FYB1: variants seen among roughly 807,000 people sequenced by gnomAD.
FYB1 encodes the protein FYN binding protein 1.
FYB1 carries 41 observed loss-of-function variants against 94.1 expected under a neutral mutation model. The ratio of observed to expected loss-of-function variants is 0.44; its 90% CI spans 0.34 to 0.57. FYB1 has a LOEUF of 0.57. Ranked by LOEUF, FYB1 falls within the 20% of genes least tolerant of loss-of-function variation. The pLI is 0.02. For missense variants in FYB1, 1,050 were observed against 976.8 expected, an observed-to-expected ratio of 1.07 and a Z score of -1.00; for synonymous variants, 367 against 353.2, an observed-to-expected ratio of 1.04 and a Z score of -0.44.
At chr5:39,169,724 T>C in intron 2 of FYB1, 1 of 472,102 alleles carries the variant, frequency 2.1e-6, no homozygotes, top group Non-Finnish European at 4.2e-6. Flanking sequence ...GGTTAGATAG[T>C]TCATGTGATT....
intron 15 of FYB1, 101 bp from the exon 16 acceptor site, chr5:39,119,137 A>G (rs1739852178): frequency 1.8e-6 from 1 of 557,000 alleles, no homozygotes. Context: ...CTAAAGAGAT[A>G]ATTCAGTGTT....
At chr5:39,125,396 G>A (rs973354747) in intron 12 of FYB1, among the ~76,000 whole-genome samples, 5 of 152,110 alleles carry the variant, frequency 3.3e-5, no homozygotes, top group African/African-American at 1.2e-4. Context: ...GAAAAGTTAT[G>A]CCTTAGATTT....
In FYB1 at chr5:39,141,090, T is replaced by C. The variant is rs1742136576; in HGVS notation, c.1339+5A>G. ...AAATAAATAAAATATGTTTTTGTCG[T>C]TTACCATCAGAGTGCGTGACACCAT... On this transcript the variant is annotated splice_donor_5th_base_variant and intron_variant, in intron 4 of 18. Transcript: ENST00000512982. 1 of 1,574,142 alleles carries C rather than the reference T, an allele frequency of 6.4e-7. No homozygotes were observed. The highest frequency in any genetic ancestry group is 8.7e-7 in the Non-Finnish European group (1 of 1,155,478).
At chr5:39,227,097 A>G (rs1490564848) in intron 1 of FYB1, among the ~76,000 whole-genome samples, 2 of 152,242 alleles carry the variant, frequency 1.3e-5, no homozygotes, top group Non-Finnish European at 2.9e-5. Context: ...GCAAACACAC[A>G]TACATTCACA....
chr5:39,235,873 T>G (rs563900188), intron 1 of FYB1, among the ~76,000 whole-genome samples: 2 of 152,212 alleles, frequency 1.3e-5, no homozygotes, highest in South Asian at 4.1e-4. Context: ...TCTTTTGTAG[T>G]GATAGAAATA....
chr5:39,228,174 A>G (rs774978532), intron 1 of FYB1, among the ~76,000 whole-genome samples: 5 of 152,190 alleles, frequency 3.3e-5, no homozygotes, highest in Non-Finnish European at 5.9e-5. Flanking sequence ...ATAGAACTAC[A>G]TTTAGTTGGT....
At chr5:39,225,772 T>C (rs1314453165) in intron 1 of FYB1, among the ~76,000 whole-genome samples, 2 of 152,214 alleles carry the variant, frequency 1.3e-5, no homozygotes, top group Non-Finnish European at 2.9e-5. Context: ...GAGATACTCA[T>C]TTTATTTTGG....
chr5:39,155,614 C>A (rs1465020416), intron 2 of FYB1, among the ~76,000 whole-genome samples: 3 of 152,146 alleles, frequency 2.0e-5, no homozygotes, highest in Non-Finnish European at 4.4e-5. Flanking sequence ...GGAAGGCCTT[C>A]CCTAATTTGA....
chr5:39,179,080 A>T (rs774206256), intron 2 of FYB1, among the ~76,000 whole-genome samples: 3 of 152,334 alleles, frequency 2.0e-5, no homozygotes, highest in Middle Eastern at 3.4e-3. Context: ...ATATTTTTAG[A>T]GTGCTTCCTG....
chr5:39,107,347 G>T lies in FYB1; in HGVS notation c.*96C>A. ...ATAACAAATGATAATAAGTGGTTTT[G>T]TGCATTAATTTTCTTGATACCCAAT... On this transcript the variant is annotated 3_prime_UTR_variant, in exon 19 of 19. Coordinates refer to ENST00000512982, the MANE Select transcript of FYB1 (RefSeq NM_001465.6). 1 of 756,254 alleles carries T rather than the reference G, an allele frequency of 1.3e-6. No homozygotes were observed. Among genetic ancestry groups the T allele is most frequent in the Non-Finnish European group, 2.1e-6 (1 of 484,114 alleles). The allele number at this position is 756,254 out of a possible 1,614,324, so 46.8% of individuals were successfully genotyped here.
At chr5:39,235,968 C>CAT (rs1048098356) in intron 1 of FYB1, among the ~76,000 whole-genome samples, 1 of 151,966 alleles carries the variant, frequency 6.6e-6, no homozygotes, top group Non-Finnish European at 1.5e-5. Context: ...GGAACTAAAA[C>CAT]ATTAATTTCA....
At chr5:39,249,611 G>A (rs568410368) in intron 1 of FYB1, among the ~76,000 whole-genome samples, 1 of 152,270 alleles carries the variant, frequency 6.6e-6, no homozygotes, top group South Asian at 2.1e-4. Flanking sequence ...ATAATAGTGA[G>A]TCAAAGAGGA....
chr5:39,255,966 T>G (rs964412824), intron 1 of FYB1, among the ~76,000 whole-genome samples: 3 of 152,200 alleles, frequency 2.0e-5, no homozygotes, highest in Non-Finnish European at 4.4e-5. Flanking sequence ...TATCTCTCCT[T>G]TGTTTCCACT....
chr5:39,141,299 A>G lies in FYB1; in HGVS notation c.1293-158T>C, dbSNP rs1364776935. On this transcript the variant is annotated intron_variant, in intron 3 of 18. Transcript: ENST00000512982. Reference sequence around the variant, plus strand: ...TCACTAGCATAGGCTTTAGCCTTATACTTCTGCTGCTCCTGTGGCAGAAAA... The same window carrying G: ...TCACTAGCATAGGCTTTAGCCTTATGCTTCTGCTGCTCCTGTGGCAGAAAA... 2.6e-5 allele frequency among the ~76,000 whole-genome samples: 4 copies of G among 152,258 alleles called. No individual in the cohort carries two copies. The East Asian group carries it at 5.8e-4, about 22-fold the overall frequency.
At chr5:39,232,559 T>G (rs1397648760) in intron 1 of FYB1, among the ~76,000 whole-genome samples, 1 of 143,636 alleles carries the variant, frequency 7.0e-6, no homozygotes, top group Non-Finnish European at 1.6e-5. Flanking sequence ...TTTTTATTTA[T>G]TTTTTTTGCT....
intron 2 of FYB1, among the ~76,000 whole-genome samples, chr5:39,161,367 GA>G (rs1202731298): frequency 6.6e-6 from 1 of 151,980 alleles, no homozygotes; most frequent in African/African-American, 2.4e-5. Flanking sequence ...GAAAATATAG[GA>G]GGGAATGCTG....
At chr5:39,169,956 G>T in intron 2 of FYB1, 1 of 653,874 alleles carries the variant, frequency 1.5e-6, no homozygotes, top group South Asian at 1.5e-5. Context: ...GGAAATTAAA[G>T]GGCAGCTCAT....
In FYB1 at chr5:39,127,806, C is replaced by G. The variant is rs1740833293; in HGVS notation, c.1842G>C (p.Gly614=). The change falls in exon 11 of 19, where the codon GGG becomes GGC. Residue 614 remains glycine, a splice_region_variant and synonymous_variant. Coordinates refer to ENST00000512982, the MANE Select transcript of FYB1 (RefSeq NM_001465.6). ...ISSHSQSGSG[G]IFPPPPDDDI... ...CATCATCTGGTGGTGGAGGGAATAT[C>G]CCTTCATTTGGATTGGAGGAAAATC... 3 of 1,599,318 alleles carry G rather than the reference C, an allele frequency of 1.9e-6. No homozygotes were observed. The highest frequency in any genetic ancestry group is 2.6e-6 in the Non-Finnish European group (3 of 1,173,762).
At chr5:39,239,041 A>T (rs1021410565) in intron 1 of FYB1, among the ~76,000 whole-genome samples, 1 of 152,170 alleles carries the variant, frequency 6.6e-6, no homozygotes, top group Non-Finnish European at 1.5e-5. Flanking sequence ...TCGCTACACA[A>T]ATAGAACTAA....
Sources: allele counts gnomAD v4.1 joint callset (sites outside exome capture counted in the v4.1 genomes callset), GRCh38; gene constraint gnomAD v4.1.1; transcripts MANE v1.5; gene names NCBI Gene and HGNC (gene_info 2026-07-23, HGNC 2026-07-21).